The following NHS variants were observed in gnomAD, a reference collection of about 807,000 sequenced individuals.
The protein encoded by NHS is actin remodeling regulator NHS.
Under a neutral mutation model 72.5 loss-of-function variants are expected in NHS, and 5 were observed. That is an observed-to-expected ratio of 0.07 (90% confidence interval 0.04 to 0.14). The LOEUF is 0.14. Ranked by LOEUF, NHS falls within the 10% of genes least tolerant of loss-of-function variation. NHS has a pLI of 1.00. For synonymous variants in NHS, 464 were observed against 547.7 expected, an observed-to-expected ratio of 0.85 and a Z score of 2.13; for missense variants, 1,072 against 1,355.7, an observed-to-expected ratio of 0.79 and a Z score of 3.29.
intron 1 of NHS, among the ~76,000 whole-genome samples, chrX:17,592,441 A>G (rs1164615800): frequency 8.9e-6 from 1 of 111,972 alleles, no homozygotes; most frequent in Non-Finnish European, 1.9e-5. Flanking sequence ...GAAGAAAAGG[A>G]ACAACTTGTG....
intron 1 of NHS, among the ~76,000 whole-genome samples, chrX:17,561,381 A>G (rs16980624): frequency 0.033 from 3,668 of 110,152 alleles, 118 homozygotes; most frequent in African/African-American, 0.083. Context: ...CAGAGGTGCT[A>G]TCTCCATTCC....
At chrX:17,399,160 G>A (rs971509975) in intron 1 of NHS, among the ~76,000 whole-genome samples, 5 of 109,350 alleles carry the variant, frequency 4.6e-5, no homozygotes, top group African/African-American at 1.3e-4. Flanking sequence ...GGAGTGCAGT[G>A]GTACTATCTC....
chrX:17,703,583 T>C (rs2066278886), intron 3 of NHS, among the ~76,000 whole-genome samples: 1 of 112,148 alleles, frequency 8.9e-6, no homozygotes, highest in Admixed American at 9.4e-5. Flanking sequence ...GGATTAACAG[T>C]GGTCTACATG....
chrX:17,496,400 G>A (rs774506417), intron 1 of NHS, among the ~76,000 whole-genome samples: 3 of 111,510 alleles, frequency 2.7e-5, no homozygotes, highest in South Asian at 7.6e-4. Context: ...ACAGCAATCC[G>A]TTTTTGACCA....
At chrX:17,637,071 G>A (rs1453398298) in intron 1 of NHS, among the ~76,000 whole-genome samples, 2 of 111,667 alleles carry the variant, frequency 1.8e-5, no homozygotes, top group Non-Finnish European at 3.8e-5. Flanking sequence ...ATGTGCAGCC[G>A]TAAGAAGTAA....
At chrX:17,413,441 TTA>T (rs1426263919) in intron 1 of NHS, among the ~76,000 whole-genome samples, 1 of 112,303 alleles carries the variant, frequency 8.9e-6, no homozygotes. Flanking sequence ...GTTGCTTTTG[TTA>T]TGAGTCATTC....
chrX:17,392,808 C>A (rs1018688113), intron 1 of NHS, among the ~76,000 whole-genome samples: 1 of 111,900 alleles, frequency 8.9e-6, no homozygotes, highest in Non-Finnish European at 1.9e-5. Flanking sequence ...AAAACTAGTA[C>A]CTGGGACAAG....
intron 1 of NHS, among the ~76,000 whole-genome samples, chrX:17,450,875 TAAAAAACAAAACAAGAA>T (rs2064802941): frequency 9.0e-6 from 1 of 110,993 alleles, no homozygotes; most frequent in Non-Finnish European, 1.9e-5. Flanking sequence ...AAACTCCGTC[TAAAAAACAAAACAAGAA>T]AAAAAACTTG....
At chrX:17,548,682 A>G (rs1193236407) in intron 1 of NHS, among the ~76,000 whole-genome samples, 2 of 112,062 alleles carry the variant, frequency 1.8e-5, no homozygotes, top group African/African-American at 6.5e-5. Context: ...TCATGTGTAC[A>G]TGCTTGTACA....
rs145005596 is a variant in NHS at position 17,727,480 on chromosome X, C to T, written c.3374C>T (p.Ser1125Leu). 5.2e-4 allele frequency: 623 copies of T among 1,209,121 alleles called. No homozygotes were observed. The highest frequency in any genetic ancestry group is 1.3e-3 in the African/African-American group (74 of 57,120). Residue 1125 changes from serine (S) to leucine (L), a missense_variant, in exon 7 of 9, where the codon TCG (serine) becomes TTG (leucine). Physicochemically the swap from Ser to Leu is moderately radical, Grantham distance 145 (BLOSUM62 -2). Transcript: ENST00000676302. ...AACACAGTAGGAGAAACACTGAGGTCGAATCCTCCACCGTCCCTTGCAATT... is the reference window on the plus strand; with the variant it reads ...AACACAGTAGGAGAAACACTGAGGTTGAATCCTCCACCGTCCCTTGCAATT... ...KQNTVGETLR[S>L]NPPPSLAITP... is the part of the protein sequence containing the mutation.
intron 1 of NHS, among the ~76,000 whole-genome samples, chrX:17,414,017 G>A (rs1235018798): frequency 2.7e-5 from 3 of 111,378 alleles, no homozygotes; most frequent in African/African-American, 9.8e-5. Flanking sequence ...TTTTTTCAAA[G>A]AAATAACTGA....
At chrX:17,433,425 G>C (rs2064704477) in intron 1 of NHS, among the ~76,000 whole-genome samples, 1 of 110,233 alleles carries the variant, frequency 9.1e-6, no homozygotes, top group South Asian at 3.9e-4. Context: ...GTGCTTCTTT[G>C]GTTCATAGCT....
intron 1 of NHS, among the ~76,000 whole-genome samples, chrX:17,628,263 G>A (rs372067834): frequency 3.6e-5 from 4 of 112,533 alleles, no homozygotes; most frequent in East Asian, 2.8e-4. Flanking sequence ...GCTCAAATCC[G>A]GGATGAGGGT....
At chrX:17,514,497 G>A (rs1298441298) in intron 1 of NHS, among the ~76,000 whole-genome samples, 2 of 112,069 alleles carry the variant, frequency 1.8e-5, no homozygotes, top group African/African-American at 3.2e-5. Context: ...CGGGCCTTTG[G>A]CCATAGACTG....
intron 1 of NHS, among the ~76,000 whole-genome samples, chrX:17,458,374 G>A (rs919002346): frequency 2.7e-5 from 3 of 111,277 alleles, no homozygotes; most frequent in Non-Finnish European, 5.7e-5. Flanking sequence ...GACCACAGGC[G>A]CACACTACCA....
chrX:17,728,723 G>T lies in NHS; in HGVS notation c.4297G>T (p.Val1433Leu), dbSNP rs1007858515. The T allele has an allele frequency of 8.3e-7, 1 of 1,209,016 alleles. No homozygotes were observed. The highest frequency in any genetic ancestry group is 1.8e-5 in the African/African-American group (1 of 56,886). The change falls in exon 8 of 9, where the codon GTG becomes TTG. Residue 1433 changes from valine (V) to leucine (L), a missense_variant. Physicochemically the swap from Val to Leu is conservative, Grantham distance 32. Transcript: ENST00000676302. ...DSQAEAEGVFVSPNKPRTTED... is the reference protein window; with the variant it reads ...DSQAEAEGVFLSPNKPRTTED... ...CCAAGCTGAAGCAGAGGGTGTGTTC[G>T]TGTCTCCAAACAAACCTCGAACAAC...
rs147623595 is a variant in NHS, at chrX:17,500,037, G to A, written c.565+123715G>A. On this transcript the variant is annotated intron_variant, in intron 1 of 8. Transcript: ENST00000676302. ...ATAAAATGACTATGTTTAATAATGCGTCTTTCTTCTGGCTACAGGTCTGAG... is the reference window on the plus strand; with the variant it reads ...ATAAAATGACTATGTTTAATAATGCATCTTTCTTCTGGCTACAGGTCTGAG... Among the ~76,000 whole-genome samples the A allele has an allele frequency of 6.7e-3, 754 of 112,382 alleles. 10 individuals are homozygous for A. The highest frequency in any genetic ancestry group is 0.023 in the African/African-American group (710 of 30,983).
chrX:17,505,868 A>G (rs2065055149), intron 1 of NHS, among the ~76,000 whole-genome samples: 2 of 110,910 alleles, frequency 1.8e-5, no homozygotes, highest in East Asian at 2.8e-4. Context: ...TGCTTCTGTA[A>G]TGGGGAACTG....
At position 17,732,178 on chromosome X, in the gene NHS, C is replaced by T. The variant is rs760909703; in HGVS notation, c.4670C>T (p.Pro1557Leu). 8.3e-7 allele frequency: 1 copy of T among 1,212,088 alleles called. No homozygotes were observed. Among genetic ancestry groups the T allele is most frequent in the Non-Finnish European group, 1.1e-6 (1 of 895,588 alleles). ...KPPGELTAESPQSTDDAHQGS... is the reference protein window; with the variant it reads ...KPPGELTAESLQSTDDAHQGS... The stretch of plus-strand genomic sequence containing the variant: ...CCTGGGGAGCTCACAGCAGAGTCCC[C>T]TCAGAGCACCGATGATGCCCATCAG... Residue 1557 changes from proline (P) to leucine (L), a missense_variant, in exon 9 of 9, where the codon CCT becomes CTT. Coordinates refer to ENST00000676302, the MANE Select transcript of NHS (RefSeq NM_001291867.2).
Sources: gnomAD v4.1 joint callset for allele counts (sites outside exome capture counted in the v4.1 genomes callset) on GRCh38, gnomAD v4.1.1 for gene constraint, MANE v1.5 for transcripts, NCBI Gene and HGNC (gene_info 2026-07-23, HGNC 2026-07-21) for gene names.